SHPRH: variants seen among roughly 807,000 people sequenced by gnomAD.
SHPRH encodes the protein E3 ubiquitin-protein ligase SHPRH.
SHPRH carries 106 observed loss-of-function variants against 202.5 expected under a neutral mutation model. That is an observed-to-expected ratio of 0.52 (90% CI 0.45 to 0.62). The LOEUF (loss-of-function observed/expected upper bound fraction) is 0.62, where lower values mean the gene tolerates loss of function less well. Among genes scored for constraint, SHPRH ranks in the 20% least tolerant of loss-of-function variants. The pLI is 0.00. For missense variants in SHPRH, 1,710 were observed against 2,020.0 expected, an observed-to-expected ratio of 0.85 and a Z score of 2.94; for synonymous variants, 729 against 686.0, an observed-to-expected ratio of 1.06 and a Z score of -0.98.
downstream of SHPRH, chr6:145,884,560 T>C (rs956639936): frequency 6.6e-6 from 1 of 152,204 alleles, no homozygotes; most frequent in Non-Finnish European, 1.5e-5. Flanking sequence ...CACAGTAATA[T>C]TTCAGAGGCT....
In SHPRH at chr6:145,943,632, G is replaced by A; in HGVS notation, c.1749C>T (p.Ser583=). The A allele has an allele frequency of 6.2e-7, 1 of 1,613,672 alleles. No individual in the cohort carries two copies. The highest frequency in any genetic ancestry group is 8.5e-7 in the Non-Finnish European group (1 of 1,179,824). ...ATGGTTGACTTTTTCCTTTTTTTGT[G>A]GATGGAACAAGCTTTTTCCTCAATT... ...RSKLRKKLVP[S]TKKGKSQPFI... Residue 583 remains serine, a synonymous_variant, in exon 9 of 30, where the codon TCC becomes TCT. Transcript: ENST00000275233.
At chr6:145,958,530 C>A (rs1788738353) in intron 1 of SHPRH, among the ~76,000 whole-genome samples, 1 of 152,082 alleles carries the variant, frequency 6.6e-6, no homozygotes, top group Non-Finnish European at 1.5e-5. Flanking sequence ...TATTTACCTG[C>A]CTAAGGTCTA....
chr6:145,945,750 G>T (rs548328591), intron 7 of SHPRH, 113 bp from the exon 8 acceptor site: 1 of 1,172,946 alleles, frequency 8.5e-7, no homozygotes, highest in South Asian at 2.1e-5. Flanking sequence ...ATAAATCAAA[G>T]ATTTATTACA....
intron 2 of SHPRH, 104 bp downstream of exon 2, chr6:145,954,586 G>A (rs1057051902): frequency 8.2e-7 from 1 of 1,213,062 alleles, no homozygotes; most frequent in Non-Finnish European, 1.2e-6. Context: ...ACTTAACAAT[G>A]AAAGGCTTAT....
chr6:145,925,608 T>C (rs975068936), intron 16 of SHPRH, among the ~76,000 whole-genome samples: 5 of 151,970 alleles, frequency 3.3e-5, no homozygotes, highest in Non-Finnish European at 5.9e-5. Context: ...GTTCAATACA[T>C]TTCAAACATA....
chr6:145,882,197 A>G (rs1473018067), downstream of SHPRH, among the ~76,000 whole-genome samples: 4 of 152,182 alleles, frequency 2.6e-5, no homozygotes, highest in East Asian at 1.9e-4. Context: ...GTATGCGTAA[A>G]TAGTAATCCC....
rs146018646 is a variant in SHPRH, at chr6:145,890,009, T to C, written c.4875-1909A>G. ...GCCTACTCAAGGACATTGTCAAGCA[T>C]TCTCCCTGTTCTCCTTCACTAGTTT... On this transcript the variant is annotated intron_variant, in intron 28 of 29. Coordinates refer to ENST00000275233, the MANE Select transcript of SHPRH (RefSeq NM_001042683.3). Among the ~76,000 whole-genome samples the C allele has an allele frequency of 1.2e-4, 19 of 152,342 alleles. No individual in the cohort carries two copies. The East Asian group carries it at 2.9e-3, about 23-fold the overall frequency.
intron 24 of SHPRH, among the ~76,000 whole-genome samples, chr6:145,912,066 C>T (rs1783542561): frequency 6.6e-6 from 1 of 151,664 alleles, no homozygotes; most frequent in South Asian, 2.1e-4. Flanking sequence ...AAGACAGGTC[C>T]ACCTACATGT....
chr6:145,915,580 T>C (rs189301731), intron 23 of SHPRH, among the ~76,000 whole-genome samples: 136 of 152,200 alleles, frequency 8.9e-4, no homozygotes, highest in African/African-American at 3.1e-3. Flanking sequence ...TGGCTGTTTT[T>C]TTCTTTTAGC....
Position 145,910,520 on chromosome 6 carries a change from G to C in SHPRH, c.4443C>G (p.Thr1481=), listed in dbSNP as rs1783400383. The part of the protein sequence containing the change: ...SSIKCAICRQ[T]TSHKEISYVF... ...CATACGAGATTTCTTTGTGAGATGT[G>C]GTCTGGCGGCAGATTGCACACTTAA... The change falls in exon 25 of 30, where the codon ACC becomes ACG. Residue 1481 remains threonine (T), a synonymous_variant. Transcript: ENST00000275233. The C allele has an allele frequency of 6.2e-7, 1 of 1,613,028 alleles. No homozygotes were observed. The highest frequency in any genetic ancestry group is 8.5e-7 in the Non-Finnish European group (1 of 1,179,578).
At chr6:145,916,019 C>A (rs548717500) in intron 23 of SHPRH, among the ~76,000 whole-genome samples, 2 of 152,176 alleles carry the variant, frequency 1.3e-5, no homozygotes, top group African/African-American at 4.8e-5. Context: ...TCTCAAATCT[C>A]TTTTGCCCTA....
Position 145,884,861 on chromosome 6 carries a change from AAC to A in SHPRH, c.*1828_*1829del, listed in dbSNP as rs1171123279. 7.2e-5 allele frequency: 11 copies of A among 152,298 alleles called. No homozygotes were observed. The highest frequency in any genetic ancestry group is 2.1e-4 in the South Asian group (1 of 4,824). The allele number at this position is 152,298 out of a possible 1,614,324, so 9.4% of individuals were successfully genotyped here. On this transcript the variant is annotated 3_prime_UTR_variant, in exon 30 of 30. Coordinates refer to ENST00000275233, the MANE Select transcript of SHPRH (RefSeq NM_001042683.3). The stretch of plus-strand genomic sequence containing the variant: ...TGGATATCTTACAGAAATAAATAAA[AAC>A]AGTTTTTGTCTAATACAGATAGGTT...
intron 17 of SHPRH, among the ~76,000 whole-genome samples, chr6:145,924,421 T>C (rs1407507709): frequency 6.6e-6 from 1 of 151,872 alleles, no homozygotes; most frequent in African/African-American, 2.4e-5. Context: ...TTAAAACATC[T>C]CAGAAACAAG....
intron 10 of SHPRH, among the ~76,000 whole-genome samples, chr6:145,941,124 C>A (rs866439101): frequency 6.6e-6 from 1 of 152,172 alleles, no homozygotes; most frequent in Non-Finnish European, 1.5e-5. Context: ...TACTAACAGA[C>A]ATGATTCATA....
At chr6:145,918,591 G>A (rs1271613328) in intron 22 of SHPRH, 1 of 153,994 alleles carries the variant, frequency 6.5e-6, no homozygotes, top group Non-Finnish European at 1.4e-5. Context: ...GTGATTTCAT[G>A]AAATCCAGGA....
chr6:145,917,406 T>C (rs1452386328), intron 23 of SHPRH: 3 of 152,270 alleles, frequency 2.0e-5, no homozygotes, highest in East Asian at 3.9e-4. Flanking sequence ...TCTACCTTCT[T>C]AGTCGCCATG....
Position 145,924,755 on chromosome 6 carries a change from T to C in SHPRH, c.3386A>G (p.His1129Arg), listed in dbSNP as rs751098134. 6.2e-7 allele frequency: 1 copy of C among 1,611,660 alleles called. No homozygotes were observed. Residue 1129 changes from histidine (H) to arginine (R), a missense_variant, in exon 17 of 30, where the codon CAT becomes CGT. By Grantham distance (29) the His-to-Arg change is conservative. This residue lies in a region of SHPRH where 288 missense variants were observed against 317.8 expected (regional missense o/e 0.91). Coordinates refer to ENST00000275233, the MANE Select transcript of SHPRH (RefSeq NM_001042683.3). ...QALYPVQQTI[H>R]ELQRKIHSNS... ...TTGGCATACCTTTCTTTGAAGCTCATGGATGGTCTGCTGCACAGGATATAA... is the reference window on the plus strand; with the variant it reads ...TTGGCATACCTTTCTTTGAAGCTCACGGATGGTCTGCTGCACAGGATATAA...
intron 1 of SHPRH, among the ~76,000 whole-genome samples, chr6:145,963,046 G>A (rs1483318280): frequency 2.0e-5 from 3 of 152,120 alleles, no homozygotes; most frequent in Non-Finnish European, 4.4e-5. Context: ...GGACAAAGAG[G>A]ATATACAAGA....
At chr6:145,922,455 G>A in intron 19 of SHPRH, 107 bp from the exon 20 acceptor site, 1 of 1,303,482 alleles carries the variant, frequency 7.7e-7, no homozygotes, top group Non-Finnish European at 1.0e-6. Context: ...CACTAGATAT[G>A]CCATTTTAGA....
Sources: allele counts gnomAD v4.1 joint callset (sites outside exome capture counted in the v4.1 genomes callset), GRCh38; gene constraint gnomAD v4.1.1; regional missense constraint gnomAD v4.1.1; transcripts MANE v1.5; gene names NCBI Gene and HGNC (gene_info 2026-07-23, HGNC 2026-07-21).